PTK2: variants seen among roughly 807,000 people sequenced by gnomAD.
The protein encoded by PTK2 is focal adhesion kinase 1.
A neutral mutation model predicts 150.1 loss-of-function variants in PTK2; 45 were observed. The ratio of observed to expected loss-of-function variants is 0.30; its 90% CI spans 0.24 to 0.38. PTK2 has a LOEUF of 0.38. PTK2 is among the 10% of genes least tolerant of loss of function. The pLI is 1.00. For missense variants in PTK2, 919 were observed against 1,307.3 expected (o/e 0.70, Z 4.58); for synonymous variants, 432 against 449.2 (o/e 0.96, Z 0.48).
chr8:140,933,454 G>A (rs2100172600), intron 1 of PTK2, among the ~76,000 whole-genome samples: 1 of 152,234 alleles, frequency 6.6e-6, no homozygotes, highest in South Asian at 2.1e-4. Context: ...TGCATTCACA[G>A]AAAACTGCTG....
chr8:140,742,316 G>C (rs1190103175), intron 20 of PTK2, among the ~76,000 whole-genome samples: 1 of 152,158 alleles, frequency 6.6e-6, no homozygotes, highest in Non-Finnish European at 1.5e-5. Context: ...TTGAATTTCT[G>C]GCTATTACAA....
At chr8:140,783,249 G>T (rs1175318870) in intron 14 of PTK2, among the ~76,000 whole-genome samples, 3 of 152,030 alleles carry the variant, frequency 2.0e-5, no homozygotes, top group Non-Finnish European at 4.4e-5. Context: ...CCAGAAAAAA[G>T]AAAGAAATGA....
intron 1 of PTK2, among the ~76,000 whole-genome samples, chr8:140,998,818 CAAAAAAAAAA>C (rs959649621): frequency 3.7e-5 from 2 of 53,514 alleles, no homozygotes; most frequent in Non-Finnish European, 8.1e-5. Context: ...GACTCCGTCT[CAAAAAAAAAA>C]AAAAAAAAAC....
intron 22 of PTK2, chr8:140,721,774 C>G (rs1223655327): frequency 1.3e-5 from 2 of 152,222 alleles, no homozygotes; most frequent in East Asian, 3.8e-4. Flanking sequence ...CTCTGGCCAA[C>G]TCCTACTTGT....
chr8:140,989,212 TAAAAAAAA>T lies in PTK2; in HGVS notation c.-122+11905_-122+11912del, dbSNP rs71310816. On this transcript the variant is annotated intron_variant, in intron 1 of 31. Transcript: ENST00000522684. Reference sequence around the variant, plus strand: ...GGGCAACATAGGAAGACCCTGTCTCTAAAAAAAAAAAAAAAAAAAAAAAAAAAATTTAA... The same window carrying T: ...GGGCAACATAGGAAGACCCTGTCTCTAAAAAAAAAAAAAAAAAAAATTTAA... 6.6e-5 allele frequency among the ~76,000 whole-genome samples: 4 copies of T among 60,584 alleles called. No individual in the cohort carries two copies. In the Admixed American group the frequency reaches 8.1e-4, roughly 12 times the overall value. 39.7% of individuals were successfully genotyped at this position (60,584 alleles called of 152,430 possible).
chr8:140,987,860 T>C (rs2100193916), intron 1 of PTK2, among the ~76,000 whole-genome samples: 1 of 152,092 alleles, frequency 6.6e-6, no homozygotes, highest in African/African-American at 2.4e-5. Flanking sequence ...CTGCGAAACA[T>C]GACTAGACCT....
At chr8:140,761,010 G>A (rs770746769) in intron 16 of PTK2, among the ~76,000 whole-genome samples, 155 bp downstream of exon 19, 17 of 152,112 alleles carry the variant, frequency 1.1e-4, no homozygotes, top group Non-Finnish European at 1.9e-4. Context: ...TTCTGAATAC[G>A]CCAAGTATAA....
intron 8 of PTK2, among the ~76,000 whole-genome samples, chr8:140,824,504 G>A (rs1347470388): frequency 6.6e-6 from 1 of 152,158 alleles, no homozygotes; most frequent in Admixed American, 6.5e-5. Flanking sequence ...AACTGTTGGC[G>A]CCTTTGGCAG....
intron 13 of PTK2, among the ~76,000 whole-genome samples, chr8:140,790,781 C>CT (rs1175743075): frequency 2.0e-5 from 3 of 152,146 alleles, no homozygotes; most frequent in Non-Finnish European, 4.4e-5. Flanking sequence ...AAGTTGTTTT[C>CT]TAACAACTCA....
intron 3 of PTK2, 27 bp downstream of exon 3, chr8:140,890,516 A>C (rs753822672): frequency 6.4e-7 from 1 of 1,565,122 alleles, no homozygotes; most frequent in East Asian, 2.2e-5. Context: ...TAAACATTAA[A>C]GATGTCTCAT....
chr8:140,824,067 T>C (rs1396000725), intron 8 of PTK2, among the ~76,000 whole-genome samples: 1 of 152,172 alleles, frequency 6.6e-6, no homozygotes, highest in African/African-American at 2.4e-5. Flanking sequence ...CCATCAACCC[T>C]TTGCTAAATA....
At chr8:140,794,257 C>G (rs1388667500) in intron 12 of PTK2, among the ~76,000 whole-genome samples, 3 of 152,134 alleles carry the variant, frequency 2.0e-5, no homozygotes. Context: ...GATTTAAACA[C>G]CCCAGCTTAA....
chr8:140,693,676 C>T (rs1324775926), intron 26 of PTK2, among the ~76,000 whole-genome samples: 1 of 144,932 alleles, frequency 6.9e-6, no homozygotes. Flanking sequence ...GGGCTGCTAT[C>T]ATAAAACACA....
At chr8:140,897,924 T>C (rs7846095) in intron 2 of PTK2, among the ~76,000 whole-genome samples, 3,511 of 152,330 alleles carry the variant, frequency 0.023, 139 homozygotes, top group African/African-American at 0.079. Context: ...TAAAAACTTT[T>C]CAAGATTAAT....
At chr8:140,939,396 T>C (rs1178996355) in intron 1 of PTK2, among the ~76,000 whole-genome samples, 2 of 152,230 alleles carry the variant, frequency 1.3e-5, no homozygotes, top group East Asian at 3.8e-4. Context: ...CAGCTCTATA[T>C]ACTGCAAGTT....
chr8:140,749,888 T>C (rs907502225), intron 17 of PTK2, among the ~76,000 whole-genome samples: 1 of 152,244 alleles, frequency 6.6e-6, no homozygotes, highest in African/African-American at 2.4e-5. Flanking sequence ...TAACTGATTT[T>C]TGTAATGACA....
At chr8:140,823,772 T>C (rs145227963) in intron 8 of PTK2, among the ~76,000 whole-genome samples, 3 of 152,348 alleles carry the variant, frequency 2.0e-5, no homozygotes, top group Admixed American at 6.5e-5. Context: ...TGCTTCAATA[T>C]TGTCTCTTGA....
intron 17 of PTK2, 29 bp from the exon 21 acceptor site, chr8:140,746,889 T>A: frequency 7.3e-7 from 1 of 1,378,828 alleles, no homozygotes; most frequent in Non-Finnish European, 9.9e-7. Flanking sequence ...ATAGTTATTC[T>A]TTCTTTTTTT....
chr8:140,685,532 C>CA (rs1260408931), intron 27 of PTK2, among the ~76,000 whole-genome samples: 1 of 152,068 alleles, frequency 6.6e-6, no homozygotes, highest in Non-Finnish European at 1.5e-5. Flanking sequence ...GAACTTAAAG[C>CA]AAATGAACAA....
Sources: allele counts gnomAD v4.1 joint callset (sites outside exome capture counted in the v4.1 genomes callset), GRCh38; gene constraint gnomAD v4.1.1; transcripts MANE v1.5; gene names NCBI Gene and HGNC (gene_info 2026-07-23, HGNC 2026-07-21).